RAB3GAP2: variants seen among roughly 807,000 people sequenced by gnomAD.
The protein encoded by RAB3GAP2 is rab3 GTPase-activating protein non-catalytic subunit.
A neutral mutation model predicts 185.3 loss-of-function variants in RAB3GAP2; 87 were observed. The observed-to-expected ratio is 0.47, with a 90% CI of 0.39 to 0.56. The LOEUF is 0.56. Among genes scored for constraint, RAB3GAP2 ranks in the 20% least tolerant of loss-of-function variants. The pLI, the probability that RAB3GAP2 is intolerant of heterozygous loss-of-function variation, is 0.00. For synonymous variants in RAB3GAP2, 554 were observed against 576.1 expected (o/e 0.96, Z 0.55); for missense variants, 1,492 against 1,638.2 (o/e 0.91, Z 1.54).
chr1:220,173,058 A>T (rs1049435431), intron 21 of RAB3GAP2, among the ~76,000 whole-genome samples: 1 of 152,218 alleles, frequency 6.6e-6, no homozygotes, highest in Non-Finnish European at 1.5e-5. Context: ...GTGAGCATAG[A>T]TCTGCTGTTG....
intron 2 of RAB3GAP2, among the ~76,000 whole-genome samples, chr1:220,215,774 T>C (rs891863498): frequency 5.9e-5 from 9 of 152,156 alleles, no homozygotes; most frequent in African/African-American, 2.2e-4. Flanking sequence ...TTTGATGTCA[T>C]GTAGACTCCT....
chr1:220,156,058 A>C (rs993180742), intron 31 of RAB3GAP2, among the ~76,000 whole-genome samples: 4 of 151,494 alleles, frequency 2.6e-5, no homozygotes, highest in African/African-American at 9.7e-5. Flanking sequence ...TCAAGCGATT[A>C]TCCTGCCTCA....
At chr1:220,177,357 C>G (rs994551501) in intron 21 of RAB3GAP2, among the ~76,000 whole-genome samples, 1 of 152,162 alleles carries the variant, frequency 6.6e-6, no homozygotes, top group Admixed American at 6.5e-5. Flanking sequence ...ACAAACAAAG[C>G]CAGACTGTGA....
chr1:220,218,890 T>C (rs976531860), intron 2 of RAB3GAP2, among the ~76,000 whole-genome samples: 6 of 152,292 alleles, frequency 3.9e-5, no homozygotes, highest in African/African-American at 1.4e-4. Context: ...CATGTAATTC[T>C]AAAGTAACTT....
intron 2 of RAB3GAP2, 59 bp downstream of exon 2, chr1:220,232,740 A>T: frequency 1.4e-6 from 2 of 1,399,454 alleles, no homozygotes. Flanking sequence ...ATATGTCACC[A>T]TCATTACAAA....
At chr1:220,254,308 G>A (rs777434987) in intron 1 of RAB3GAP2, 13 of 1,613,526 alleles carry the variant, frequency 8.1e-6, no homozygotes, top group Non-Finnish European at 1.1e-5. Flanking sequence ...CGAAATTCTT[G>A]CAGATCATCC....
intron 1 of RAB3GAP2, chr1:220,253,594 C>A (rs1659979126): frequency 6.3e-7 from 1 of 1,580,352 alleles, no homozygotes; most frequent in Non-Finnish European, 8.7e-7. Flanking sequence ...GGACCCGAAG[C>A]CTAAATTCCA....
chr1:220,215,844 G>A (rs1659190445), intron 2 of RAB3GAP2, among the ~76,000 whole-genome samples: 1 of 151,994 alleles, frequency 6.6e-6, no homozygotes, highest in African/African-American at 2.4e-5. Flanking sequence ...GGAGGGAAAG[G>A]GAGGGGAAAG....
chr1:220,209,057 C>T (rs945912858), intron 7 of RAB3GAP2, among the ~76,000 whole-genome samples: 28 of 152,144 alleles, frequency 1.8e-4, no homozygotes, highest in Middle Eastern at 3.2e-3. Context: ...TCTTCCCATA[C>T]ACCATATTAG....
intron 1 of RAB3GAP2, chr1:220,254,035 G>A (rs1361307773): frequency 6.2e-7 from 1 of 1,613,840 alleles, no homozygotes; most frequent in Non-Finnish European, 8.5e-7. Flanking sequence ...CAGAGTTGAA[G>A]TTAAAGTAAA....
intron 7 of RAB3GAP2, among the ~76,000 whole-genome samples, chr1:220,210,168 G>A (rs1240175069): frequency 6.6e-6 from 1 of 152,056 alleles, no homozygotes; most frequent in African/African-American, 2.4e-5. Context: ...GTTTTACTTT[G>A]TTGTAGAATG....
intron 27 of RAB3GAP2, among the ~76,000 whole-genome samples, chr1:220,163,584 G>A (rs544537385): frequency 4.6e-5 from 7 of 150,950 alleles, no homozygotes; most frequent in South Asian, 2.1e-4. Flanking sequence ...GGATGGTCTC[G>A]ATCTCCTGAC....
chr1:220,206,837 G>A, intron 7 of RAB3GAP2, among the ~76,000 whole-genome samples: 1 of 152,160 alleles, frequency 6.6e-6, no homozygotes, highest in East Asian at 1.9e-4. Context: ...CAGTTCAAAT[G>A]TTAGTTACCC....
At position 220,195,391 on chromosome 1, in the gene RAB3GAP2, C is replaced by A. The variant is rs148886986; in HGVS notation, c.961-14G>T. The A allele has an allele frequency of 5.1e-3, 8,166 of 1,598,494 alleles. 24 individuals are homozygous for A. Among genetic ancestry groups the A allele is most frequent in the Non-Finnish European group, 5.7e-3 (6,659 of 1,166,462 alleles). On this transcript the variant is annotated splice_polypyrimidine_tract_variant and intron_variant, in intron 10 of 34. Coordinates refer to ENST00000358951, the MANE Select transcript of RAB3GAP2 (RefSeq NM_012414.4). The stretch of plus-strand genomic sequence containing the variant: ...TTGTGTGCTTCCCTGAAAAACAGAA[C>A]ATTTGAAAGAGAAAACTTAGTAGCT...
intron 9 of RAB3GAP2, among the ~76,000 whole-genome samples, chr1:220,196,695 G>A (rs988102905): frequency 6.6e-6 from 1 of 151,862 alleles, no homozygotes; most frequent in African/African-American, 2.4e-5. Flanking sequence ...GCCATGCATG[G>A]TGGTGGGTGC....
intron 1 of RAB3GAP2, among the ~76,000 whole-genome samples, chr1:220,252,973 C>G (rs1326426092): frequency 6.6e-6 from 1 of 152,216 alleles, no homozygotes; most frequent in Non-Finnish European, 1.5e-5. Flanking sequence ...GAATCCCAGC[C>G]AGCCAATGGT....
chr1:220,158,359 A>G lies in RAB3GAP2; in HGVS notation c.3262-483T>C, dbSNP rs1292289156. On this transcript the variant is annotated intron_variant, in intron 29 of 34. Transcript: ENST00000358951. This position sits in a 1 kb window ranked among gnomAD's most constrained non-coding sequence, Gnocchi z 4.3. The stretch of plus-strand genomic sequence containing the variant: ...GAATCCTCAAGCTTGAGAACTAAAT[A>G]CCAGATTGATGCTGTGAGCAACAGA... Among the ~76,000 whole-genome samples the G allele has an allele frequency of 6.6e-6, 1 of 152,108 alleles. No homozygotes were observed. The highest frequency in any genetic ancestry group is 2.4e-5 in the African/African-American group (1 of 41,418).
At chr1:220,194,673 G>A (rs552603583) in intron 12 of RAB3GAP2, among the ~76,000 whole-genome samples, 3 of 152,144 alleles carry the variant, frequency 2.0e-5, no homozygotes, top group Admixed American at 1.3e-4. Flanking sequence ...GATTACAGGC[G>A]TGAGCCACCG....
At chr1:220,263,450 T>C (rs1173657214) in intron 1 of RAB3GAP2, among the ~76,000 whole-genome samples, 1 of 152,126 alleles carries the variant, frequency 6.6e-6, no homozygotes, top group Non-Finnish European at 1.5e-5. Context: ...GTCTTTAATC[T>C]ATTTAATTTT....
Sources: allele counts gnomAD v4.1 joint callset (sites outside exome capture counted in the v4.1 genomes callset), GRCh38; gene constraint gnomAD v4.1.1; non-coding constraint Gnocchi (gnomAD v3.1); transcripts MANE v1.5; gene names NCBI Gene and HGNC (gene_info 2026-07-23, HGNC 2026-07-21).